NEB: variants seen among roughly 807,000 people sequenced by gnomAD.
NEB encodes the protein nebulin.
In NEB, 512 loss-of-function variants were observed where a neutral mutation model predicts 952.2. The ratio of observed to expected loss-of-function variants is 0.54; its 90% CI spans 0.50 to 0.58. NEB has a LOEUF of 0.58. Ranked by LOEUF, NEB falls within the 20% of genes least tolerant of loss-of-function variation. NEB has a pLI of 0.00. For missense variants in NEB, 8,428 were observed against 9,231.1 expected (o/e 0.91, Z 3.56); for synonymous variants, 2,900 against 3,149.8 (o/e 0.92, Z 2.66).
At chr2:151,571,366 T>C (rs1041562240) in intron 107 of NEB, among the ~76,000 whole-genome samples, 1 of 152,214 alleles carries the variant, frequency 6.6e-6, no homozygotes, top group Non-Finnish European at 1.5e-5. Flanking sequence ...TATAATCTCG[T>C]TCATAAAAAG....
intron 174 of NEB, 36 bp from the exon 175 acceptor site, chr2:151,493,903 G>A (rs567646712): frequency 2.7e-5 from 37 of 1,359,138 alleles, no homozygotes; most frequent in African/African-American, 1.8e-4. Flanking sequence ...AAGTCACTAC[G>A]AGGTAATAAT....
rs568355799 is a variant in NEB at position 151,540,680 on chromosome 2, C to G, written c.20787+17G>C. The G allele has an allele frequency of 6.2e-7, 1 of 1,604,122 alleles. No individual in the cohort carries two copies. Among genetic ancestry groups the G allele is most frequent in the East Asian group, 2.2e-5 (1 of 44,808 alleles). On this transcript the variant is annotated intron_variant, in intron 137 of 181. Transcript: ENST00000397345. ...TTTCTTTTTACCCAGTGCCTCAGTG[C>G]TGAATTCCCATCTTACCTCACTGAC... is the stretch of plus-strand genomic sequence containing the variant.
At position 151,644,495 on chromosome 2, in the gene NEB, T is replaced by A; in HGVS notation, c.7617A>T (p.Ala2539=). The A allele has an allele frequency of 1.2e-6, 2 of 1,613,918 alleles. No homozygotes were observed. The highest frequency in any genetic ancestry group is 1.7e-6 in the Non-Finnish European group (2 of 1,179,798). ...CACTGGCAATTTCCCGGGAGGCTTTTGCTGCTTTGATTGGTATGGCATCAA... is the reference window on the plus strand; with the variant it reads ...CACTGGCAATTTCCCGGGAGGCTTTAGCTGCTTTGATTGGTATGGCATCAA... ...LPVDAIPIKA[A]KASREIASEY... The change falls in exon 56 of 182, where the codon GCA becomes GCT. Residue 2539 remains alanine, a synonymous_variant. Transcript: ENST00000397345.
chr2:151,643,230 G>A lies in NEB; in HGVS notation c.8080C>T (p.Pro2694Ser), dbSNP rs746357379. 1.9e-6 allele frequency: 3 copies of A among 1,613,864 alleles called. No homozygotes were observed. Among genetic ancestry groups the A allele is most frequent in the Non-Finnish European group, 2.5e-6 (3 of 1,179,816 alleles). The change falls in exon 58 of 182, where the codon CCA (proline) becomes TCA (serine). Residue 2694 changes from proline to serine, a missense_variant. Pro to Ser is a moderately conservative substitution (Grantham distance 74). Coordinates refer to ENST00000397345, the MANE Select transcript of NEB (RefSeq NM_001164508.2). ...AGGCTGGAAAACTTAAATTGATCTG[G>A]GTGCTGACGGTAAACATGGTCACTC... Reference protein sequence around the residue: ...ILSDHVYRQHPDQFKFSSLMD... With the variant: ...ILSDHVYRQHSDQFKFSSLMD...
In NEB at chr2:151,733,021, T is replaced by C. The variant is rs373426420; in HGVS notation, c.36+100A>G. The C allele has an allele frequency of 1.5e-3, 1,522 of 1,039,338 alleles. 3 individuals carry two copies. The highest frequency in any genetic ancestry group is 1.7e-3 in the Non-Finnish European group (1,199 of 702,096). 64.4% of individuals were successfully genotyped at this position (1,039,338 alleles called of 1,614,324 possible). A position where few individuals can be genotyped will look rare whatever the true frequency, so the allele number is the denominator to read the frequency against. On this transcript the variant is annotated intron_variant, in intron 3 of 181. Transcript: ENST00000397345. The stretch of plus-strand genomic sequence containing the variant: ...TAAATGATGACTCTTTGTGAAGTTA[T>C]AATAGACAATGTATTTTTCGAATGA...
chr2:151,666,325 A>G lies in NEB; in HGVS notation c.4796T>C (p.Leu1599Pro). Residue 1599 changes from leucine (L) to proline (P), a missense_variant, in exon 41 of 182, where the codon CTG (leucine) becomes CCG (proline). By Grantham distance (98) the Leu-to-Pro change is moderately conservative. Transcript: ENST00000397345. ...GFLSLQDDPK[L>P]VHYMNVAKIQ... is the part of the protein sequence containing the mutation. ...TTTGGCCACATTCATGTAGTGAACC[A>G]GTTTAGGATCATCCTGAAGACTGAG... 6.2e-7 allele frequency: 1 copy of G among 1,613,914 alleles called. No individual in the cohort carries two copies. The highest frequency in any genetic ancestry group is 8.5e-7 in the Non-Finnish European group (1 of 1,179,862).
At chr2:151,649,135 T>G (rs1012441924) in intron 54 of NEB, among the ~76,000 whole-genome samples, 2 of 152,220 alleles carry the variant, frequency 1.3e-5, no homozygotes, top group Non-Finnish European at 2.9e-5. Flanking sequence ...GGAAACATTT[T>G]GTACAAATTT....
chr2:151,608,556 G>A lies in NEB; in HGVS notation c.12451C>T (p.Arg4151Cys). 3.1e-5 allele frequency: 3 copies of A among 98,230 alleles called. No homozygotes were observed. The highest frequency in any genetic ancestry group is 5.3e-5 in the Non-Finnish European group (3 of 56,558). 6.1% of individuals were successfully genotyped at this position (98,230 alleles called of 1,614,324 possible). The change falls in exon 82 of 182, where the codon CGT becomes TGT. Residue 4151 changes from arginine to cysteine, a missense_variant. Coordinates refer to ENST00000397345, the MANE Select transcript of NEB (RefSeq NM_001164508.2). Reference sequence around the variant, plus strand: ...CTGGTGAATGACAAAGCTTCTGGACGTGTCCTATAGAGTCTTTCATTCACG... The same window carrying A: ...CTGGTGAATGACAAAGCTTCTGGACATGTCCTATAGAGTCTTTCATTCACG... ...DLVNERLYRT[R>C]PEALSFTSIV... is the part of the protein sequence containing the mutation.
At chr2:151,579,750 TG>T (rs1248497377) in intron 104 of NEB, 101 bp from the exon 105 acceptor site, 10 of 389,152 alleles carry the variant, frequency 2.6e-5, no homozygotes, top group South Asian at 2.4e-5. Context: ...TTACCTTTTT[TG>T]GGGGGGTCGG....
chr2:151,546,492 A>G, intron 133 of NEB, 49 bp from the exon 134 acceptor site: 1 of 1,242,104 alleles, frequency 8.1e-7, no homozygotes, highest in Non-Finnish European at 1.2e-6. Flanking sequence ...AATGTAAGTC[A>G]GGAAACACAA....
intron 130 of NEB, among the ~76,000 whole-genome samples, chr2:151,548,826 T>G (rs1359513698): frequency 6.6e-6 from 1 of 152,196 alleles, no homozygotes; most frequent in East Asian, 1.9e-4. Flanking sequence ...GTTAGATTAT[T>G]AAATCTGTGA....
intron 124 of NEB, 68 bp downstream of exon 124, chr2:151,560,524 A>T: frequency 9.0e-7 from 1 of 1,109,922 alleles, no homozygotes; most frequent in South Asian, 1.3e-5. Context: ...AGCCTGAAAG[A>T]TTCTTGGAGT....
At position 151,727,825 on chromosome 2, in the gene NEB, G is replaced by C; in HGVS notation, c.160C>G (p.Gln54Glu). 6.2e-7 allele frequency: 1 copy of C among 1,611,510 alleles called. No individual in the cohort carries two copies. Residue 54 changes from glutamine (Q) to glutamate (E), a missense_variant, in exon 5 of 182, where the codon CAG (glutamine) becomes GAG (glutamate). Coordinates refer to ENST00000397345, the MANE Select transcript of NEB (RefSeq NM_001164508.2). ...GATGCTGGCTGTGCCAGTGCTGGCT[G>C]TGCCAGAGCTGGTTTGGAAGTTTCT... is the stretch of plus-strand genomic sequence containing the variant. ...QSETSKPALA[Q>E]PALAQPASAK... is the part of the protein sequence containing the mutation.
In NEB at chr2:151,664,802, G is replaced by T. The variant is rs370000978; in HGVS notation, c.5300C>A (p.Pro1767Gln). The change falls in exon 43 of 182, where the codon CCG (proline) becomes CAG (glutamine). Residue 1767 changes from proline to glutamine, a missense_variant. By Grantham distance (76) the Pro-to-Gln change is moderately conservative. Coordinates refer to ENST00000397345, the MANE Select transcript of NEB (RefSeq NM_001164508.2). The part of the protein sequence containing the change: ...KTTIHVMPDT[P>Q]DILLSRVNQI... ...GTTTACTCTGGAGAGTAAAATATCC[G>T]GTGTGTCAGGCATGACATGAATGGT... The T allele has an allele frequency of 1.2e-6, 2 of 1,612,900 alleles. No homozygotes were observed. The highest frequency in any genetic ancestry group is 1.3e-5 in the African/African-American group (1 of 74,964).
chr2:151,492,347 T>C, intron 177 of NEB, 40 bp downstream of exon 177: 1 of 1,590,148 alleles, frequency 6.3e-7, no homozygotes, highest in Non-Finnish European at 8.6e-7. Context: ...TTACACATTC[T>C]GACAGGCAGC....
intron 139 of NEB, 70 bp downstream of exon 139, chr2:151,538,070 T>TA (rs1307316378): frequency 6.6e-7 from 1 of 1,510,944 alleles, no homozygotes; most frequent in Non-Finnish European, 9.2e-7. Context: ...GGGAGGTTGC[T>TA]AAAAAATATA....
At position 151,527,480 on chromosome 2, in the gene NEB, C is replaced by T; in HGVS notation, c.21840+1G>A. On this transcript the variant is annotated splice_donor_variant, in intron 147 of 181. Coordinates refer to ENST00000397345, the MANE Select transcript of NEB (RefSeq NM_001164508.2). LOFTEE classifies it high-confidence loss of function. ...AATCGTCTGTGTCTCTCCTGTCTTA[C>T]ATCGCTTTGCTGCAGGGATGACTTG... 6.2e-7 allele frequency: 1 copy of T among 1,609,632 alleles called. No individual in the cohort carries two copies. The highest frequency in any genetic ancestry group is 2.2e-5 in the East Asian group (1 of 44,792).
chr2:151,573,789 T>C (rs183768928), intron 107 of NEB, among the ~76,000 whole-genome samples: 14 of 152,322 alleles, frequency 9.2e-5, no homozygotes, highest in African/African-American at 3.1e-4. Context: ...ATGAAAATGG[T>C]ATCTTCCTTG....
intron 27 of NEB, 78 bp from the exon 28 acceptor site, chr2:151,685,053 A>G: frequency 1.4e-6 from 2 of 1,383,414 alleles, no homozygotes; most frequent in Non-Finnish European, 1.0e-6. Flanking sequence ...TTCATAAACA[A>G]TAAATACAAG....
Sources: allele counts gnomAD v4.1 joint callset (sites outside exome capture counted in the v4.1 genomes callset), GRCh38; gene constraint gnomAD v4.1.1; transcripts MANE v1.5; gene names NCBI Gene and HGNC (gene_info 2026-07-23, HGNC 2026-07-21).